The following BMPR1B variants were observed in gnomAD, a reference collection of about 807,000 sequenced individuals.
The protein encoded by BMPR1B is bone morphogenetic protein receptor type 1B.
In BMPR1B, 12 loss-of-function variants were observed where a neutral mutation model predicts 59.1. The ratio of observed to expected loss-of-function variants is 0.20; its 90% CI spans 0.13 to 0.33. The LOEUF is 0.33. Ranked by LOEUF, BMPR1B falls within the 10% of genes least tolerant of loss-of-function variation. BMPR1B has a pLI of 1.00. For synonymous variants in BMPR1B, 237 were observed against 207.3 expected, an observed-to-expected ratio of 1.14 and a Z score of -1.23; for missense variants, 550 against 610.9, an observed-to-expected ratio of 0.90 and a Z score of 1.05.
chr4:95,045,839 A>T (rs1726012419), intron 3 of BMPR1B, among the ~76,000 whole-genome samples: 1 of 152,194 alleles, frequency 6.6e-6, no homozygotes, highest in Non-Finnish European at 1.5e-5. Flanking sequence ...TTCAGTAGAC[A>T]CGATCCCCCC....
chr4:94,970,998 G>A (rs557158428), intron 2 of BMPR1B, among the ~76,000 whole-genome samples: 14 of 152,108 alleles, frequency 9.2e-5, no homozygotes, highest in Non-Finnish European at 1.8e-4. Context: ...ACTGAATTTG[G>A]GATTTGTCCT....
intron 3 of BMPR1B, among the ~76,000 whole-genome samples, chr4:95,079,346 C>CTGACA (rs1195129955): frequency 2.0e-5 from 3 of 152,114 alleles, no homozygotes; most frequent in Non-Finnish European, 4.4e-5. Context: ...TGCCAGGTGC[C>CTGACA]TGACATGATT....
intron 1 of BMPR1B, among the ~76,000 whole-genome samples, chr4:94,843,099 GA>G (rs993210646): frequency 1.3e-5 from 2 of 151,938 alleles, no homozygotes; most frequent in African/African-American, 4.8e-5. Flanking sequence ...TATTAACTCT[GA>G]AAAAAATCAA....
intron 1 of BMPR1B, among the ~76,000 whole-genome samples, chr4:94,845,428 T>C (rs10003992): frequency 0.61 from 92,802 of 151,392 alleles, 29,422 homozygotes; most frequent in African/African-American, 0.78. Flanking sequence ...CTGCAAGCTC[T>C]GCCTCCCGGG....
intron 3 of BMPR1B, among the ~76,000 whole-genome samples, chr4:95,099,608 G>T (rs970332974): frequency 1.3e-5 from 2 of 151,896 alleles, no homozygotes; most frequent in South Asian, 2.1e-4. Flanking sequence ...GCGCGCACAC[G>T]CACACACACG....
chr4:95,002,707 T>C (rs1243350916), intron 3 of BMPR1B, among the ~76,000 whole-genome samples: 1 of 152,182 alleles, frequency 6.6e-6, no homozygotes, highest in Non-Finnish European at 1.5e-5. Context: ...TTCATGGTTC[T>C]CCATCAATAA....
At chr4:95,086,885 AAG>A (rs762532743) in intron 3 of BMPR1B, among the ~76,000 whole-genome samples, 5 of 152,172 alleles carry the variant, frequency 3.3e-5, no homozygotes, top group Non-Finnish European at 7.3e-5. Context: ...GGAAATATGA[AAG>A]AGAGAAGATT....
chr4:95,135,982 T>C (rs1733749669), intron 10 of BMPR1B, among the ~76,000 whole-genome samples: 1 of 152,206 alleles, frequency 6.6e-6, no homozygotes, highest in African/African-American at 2.4e-5. Context: ...CCATTCAGTA[T>C]GATATTGGCC....
intron 2 of BMPR1B, among the ~76,000 whole-genome samples, chr4:94,914,717 TTGG>T (rs1345531930): frequency 6.6e-6 from 1 of 152,026 alleles, no homozygotes; most frequent in Non-Finnish European, 1.5e-5. Context: ...GATGAAATAT[TTGG>T]TGGTGATCAT....
At chr4:94,943,043 A>T (rs921266185) in intron 2 of BMPR1B, among the ~76,000 whole-genome samples, 2 of 152,324 alleles carry the variant, frequency 1.3e-5, no homozygotes, top group African/African-American at 4.8e-5. Context: ...TATAACAATT[A>T]GTCCTCTTAA....
intron 1 of BMPR1B, among the ~76,000 whole-genome samples, chr4:94,875,467 G>A (rs1218783690): frequency 4.6e-5 from 7 of 152,108 alleles, no homozygotes; most frequent in Admixed American, 2.0e-4. Flanking sequence ...GGTGGATCAC[G>A]AGGTCAGGAG....
chr4:95,070,640 G>T (rs922236220), intron 3 of BMPR1B, among the ~76,000 whole-genome samples: 2 of 152,088 alleles, frequency 1.3e-5, no homozygotes, highest in African/African-American at 4.8e-5. Flanking sequence ...AGGAAGTTTT[G>T]CCTTGAGTTA....
intron 1 of BMPR1B, among the ~76,000 whole-genome samples, chr4:94,848,726 G>C (rs1037841447): frequency 7.2e-5 from 11 of 152,196 alleles, no homozygotes; most frequent in African/African-American, 2.4e-4. Context: ...GGGTGGGAGT[G>C]AGAGACCTGC....
intron 3 of BMPR1B, among the ~76,000 whole-genome samples, chr4:95,008,640 TAAAG>T (rs1462798977): frequency 2.0e-5 from 3 of 151,736 alleles, no homozygotes; most frequent in South Asian, 2.1e-4. Context: ...GAGCAAATAA[TAAAG>T]AAACAAATTA....
intron 1 of BMPR1B, among the ~76,000 whole-genome samples, chr4:94,808,693 G>A (rs1223385540): frequency 6.6e-6 from 1 of 152,134 alleles, no homozygotes; most frequent in Non-Finnish European, 1.5e-5. Context: ...CTTGGTATAA[G>A]TTTCTGTTTT....
intron 3 of BMPR1B, among the ~76,000 whole-genome samples, chr4:95,073,207 C>T (rs1256942194): frequency 1.3e-5 from 2 of 152,154 alleles, no homozygotes; most frequent in African/African-American, 2.4e-5. Context: ...GAGATTTGTT[C>T]TTAGTAAGTT....
intron 1 of BMPR1B, among the ~76,000 whole-genome samples, chr4:94,786,159 G>A (rs1283702222): frequency 6.6e-6 from 1 of 152,128 alleles, no homozygotes; most frequent in East Asian, 1.9e-4. Context: ...TGAGGACATG[G>A]GAAGATGAGA....
intron 2 of BMPR1B, among the ~76,000 whole-genome samples, chr4:94,937,707 A>G (rs1333153889): frequency 1.3e-5 from 2 of 151,084 alleles, no homozygotes; most frequent in African/African-American, 4.9e-5. Flanking sequence ...TATATGTATA[A>G]ACACACACAC....
intron 1 of BMPR1B, among the ~76,000 whole-genome samples, chr4:94,763,349 C>G (rs1721851304): frequency 1.3e-5 from 2 of 152,152 alleles, no homozygotes; most frequent in Admixed American, 6.5e-5. Flanking sequence ...GTACTCCCGC[C>G]CCTTGCAAAG....
Sources: gnomAD v4.1 joint callset for allele counts (sites outside exome capture counted in the v4.1 genomes callset) on GRCh38, gnomAD v4.1.1 for gene constraint, MANE v1.5 for transcripts, NCBI Gene and HGNC (gene_info 2026-07-23, HGNC 2026-07-21) for gene names.